ATL2: variants seen among roughly 807,000 people sequenced by gnomAD.
ATL2 encodes the protein atlastin-2.
Under a neutral mutation model 73.9 loss-of-function variants are expected in ATL2, and 31 were observed. The ratio of observed to expected loss-of-function variants is 0.42; its 90% confidence interval spans 0.32 to 0.57. The LOEUF is 0.57. ATL2 is among the 20% of genes least tolerant of loss of function. The probability of loss-of-function intolerance (pLI) is 0.14; values close to 1 mark genes in which losing one functional copy is unlikely to be tolerated. For missense variants in ATL2, 738 were observed against 702.6 expected (o/e 1.05, Z -0.57); for synonymous variants, 291 against 237.5 (o/e 1.23, Z -2.07).
chr2:38,362,059 A>G (rs1330093283), intron 1 of ATL2, among the ~76,000 whole-genome samples: 1 of 152,234 alleles, frequency 6.6e-6, no homozygotes, highest in Non-Finnish European at 1.5e-5. Flanking sequence ...AAATCAGTCC[A>G]CATAATGATG....
chr2:38,296,667 G>A (rs527897508), intron 12 of ATL2: 2 of 1,574,584 alleles, frequency 1.3e-6, no homozygotes, highest in East Asian at 2.3e-5. Context: ...ACAAGAATTT[G>A]AGACTGTAGG....
intron 9 of ATL2, among the ~76,000 whole-genome samples, chr2:38,304,103 A>AACC (rs1667329036): frequency 6.6e-6 from 1 of 152,130 alleles, no homozygotes; most frequent in Non-Finnish European, 1.5e-5. Context: ...ATTTCTATTA[A>AACC]ACCACCACCA....
At chr2:38,334,807 T>C (rs1669208910) in intron 2 of ATL2, among the ~76,000 whole-genome samples, 1 of 116,542 alleles carries the variant, frequency 8.6e-6, no homozygotes, top group Non-Finnish European at 1.9e-5. Context: ...ATAAGTTCTA[T>C]AGTTTCAATA....
intron 1 of ATL2, among the ~76,000 whole-genome samples, chr2:38,343,720 C>T (rs575171407): frequency 6.6e-6 from 1 of 152,182 alleles, no homozygotes; most frequent in African/African-American, 2.4e-5. Flanking sequence ...TTGGCTGTGT[C>T]CCCACCCAAA....
At chr2:38,356,669 A>G (rs1000848465) in intron 1 of ATL2, among the ~76,000 whole-genome samples, 1 of 152,260 alleles carries the variant, frequency 6.6e-6, no homozygotes, top group Non-Finnish European at 1.5e-5. Flanking sequence ...CAGTATAACC[A>G]AATCAAATAT....
intron 2 of ATL2, among the ~76,000 whole-genome samples, chr2:38,331,470 C>T (rs1427756131): frequency 6.9e-6 from 1 of 145,874 alleles, no homozygotes; most frequent in Non-Finnish European, 1.5e-5. Flanking sequence ...ATTAGCCGGG[C>T]ATGGCAGCGC....
In ATL2 at chr2:38,333,726, A is replaced by C. The variant is rs1488491898; in HGVS notation, c.363+9542T>G. Among the ~76,000 whole-genome samples, 12 of 152,336 alleles carry C rather than the reference A, an allele frequency of 7.9e-5. 1 individual carries two copies. In the South Asian group the frequency reaches 8.3e-4, roughly 11 times the overall value. On this transcript the variant is annotated intron_variant, in intron 2 of 12. Transcript: ENST00000378954. ...CATACATTTGGGACTTAAAGCTGGA[A>C]AAGCTGCAAAGGACAGAGTATTTTC... is the stretch of plus-strand genomic sequence containing the variant.
At chr2:38,311,480 T>A (rs1281556536) in intron 7 of ATL2, among the ~76,000 whole-genome samples, 1 of 152,222 alleles carries the variant, frequency 6.6e-6, no homozygotes, top group South Asian at 2.1e-4. Flanking sequence ...AACAGCAGAA[T>A]GGAAAAACTG....
chr2:38,372,362 T>C (rs1401118550), intron 1 of ATL2, among the ~76,000 whole-genome samples: 1 of 152,170 alleles, frequency 6.6e-6, no homozygotes, highest in Non-Finnish European at 1.5e-5. Flanking sequence ...TGATTTACAT[T>C]GTATTAGGTA....
intron 2 of ATL2, 85 bp downstream of exon 2, chr2:38,343,183 T>TAC: frequency 1.4e-6 from 1 of 712,620 alleles, no homozygotes; most frequent in East Asian, 4.3e-5. Context: ...AAAAAAGATA[T>TAC]AGTTCTGGTT....
At chr2:38,359,754 T>C (rs1670895930) in intron 1 of ATL2, 1 of 152,166 alleles carries the variant, frequency 6.6e-6, no homozygotes, top group African/African-American at 2.4e-5. Context: ...AACTCAAAAG[T>C]ATTTTTCCCC....
At chr2:38,331,695 A>C (rs901849639) in intron 2 of ATL2, among the ~76,000 whole-genome samples, 4 of 151,822 alleles carry the variant, frequency 2.6e-5, no homozygotes, top group African/African-American at 4.8e-5. Context: ...ATATATCTAT[A>C]ATCAACTGGT....
upstream of ATL2, chr2:38,377,289 C>G: frequency 2.6e-6 from 4 of 1,515,474 alleles, no homozygotes; most frequent in Non-Finnish European, 3.6e-6. Context: ...TAACTCCCCA[C>G]TGACGTCAAA....
chr2:38,359,070 T>TC (rs1670855975), intron 1 of ATL2, among the ~76,000 whole-genome samples: 2 of 152,162 alleles, frequency 1.3e-5, no homozygotes. Flanking sequence ...TTTTAAAGAC[T>TC]CCAGGAAACG....
intron 2 of ATL2, among the ~76,000 whole-genome samples, chr2:38,330,237 C>T (rs1198481135): frequency 6.7e-6 from 1 of 148,646 alleles, no homozygotes; most frequent in African/African-American, 2.5e-5. Flanking sequence ...AAAAAACTCC[C>T]AGCACACTAG....
intron 1 of ATL2, among the ~76,000 whole-genome samples, chr2:38,350,001 C>T (rs929240456): frequency 1.3e-5 from 2 of 152,160 alleles, no homozygotes; most frequent in Non-Finnish European, 2.9e-5. Flanking sequence ...CTCCATCAAA[C>T]ACTGATATAA....
intron 12 of ATL2, chr2:38,296,424 A>G: frequency 1.3e-6 from 2 of 1,551,842 alleles, no homozygotes; most frequent in South Asian, 1.2e-5. Flanking sequence ...GGTCCTGCTT[A>G]TTGTCCTACA....
chr2:38,342,881 T>C (rs1391056264), intron 2 of ATL2, among the ~76,000 whole-genome samples: 1 of 151,990 alleles, frequency 6.6e-6, no homozygotes, highest in Non-Finnish European at 1.5e-5. Context: ...CATTACTGTA[T>C]TGACCAGGAA....
chr2:38,305,133 T>C (rs183675997), intron 9 of ATL2, among the ~76,000 whole-genome samples: 1 of 152,292 alleles, frequency 6.6e-6, no homozygotes, highest in South Asian at 2.1e-4. Context: ...GGTCATTATA[T>C]AATGATAAAG....
Sources: gnomAD v4.1 joint callset for allele counts (sites outside exome capture counted in the v4.1 genomes callset) on GRCh38, gnomAD v4.1.1 for gene constraint, MANE v1.5 for transcripts, NCBI Gene and HGNC (gene_info 2026-07-23, HGNC 2026-07-21) for gene names.